Variants in RIMS1 observed in about 807,000 individuals in gnomAD.
RIMS1 encodes the protein regulating synaptic membrane exocytosis 1.
In RIMS1, 83 loss-of-function variants were observed where a neutral mutation model predicts 214.1. That is an observed-to-expected ratio of 0.39 (90% CI 0.32 to 0.47). RIMS1 has a LOEUF of 0.47. RIMS1 is among the 20% of genes least tolerant of loss of function. The probability of loss-of-function intolerance (pLI) is 0.99; values close to 1 mark genes in which losing one functional copy is unlikely to be tolerated. For synonymous variants in RIMS1, 793 were observed against 786.8 expected (o/e 1.01, Z -0.13); for missense variants, 2,050 against 2,161.8 (o/e 0.95, Z 1.03).
chr6:72,066,893 A>G (rs1829433098), intron 2 of RIMS1, among the ~76,000 whole-genome samples: 1 of 152,056 alleles, frequency 6.6e-6, no homozygotes, highest in Non-Finnish European at 1.5e-5. Context: ...TCACCCTTAA[A>G]ACTTCTCTTT....
chr6:71,966,067 A>G (rs1794361237), intron 1 of RIMS1, among the ~76,000 whole-genome samples: 1 of 152,230 alleles, frequency 6.6e-6, no homozygotes, highest in Non-Finnish European at 1.5e-5. Flanking sequence ...CTTCCAAACT[A>G]TGATCCAATT....
Position 71,971,653 on chromosome 6 carries a change from G to A in RIMS1, c.245+2590G>A, listed in dbSNP as rs192566898. ...TTTATTGGACTTACAGTTCCACATG[G>A]CTGGGGAGGTCTCACAATCATGCTG... On this transcript the variant is annotated intron_variant, in intron 2 of 33. Coordinates refer to ENST00000521978, the MANE Select transcript of RIMS1 (RefSeq NM_014989.7). Among the ~76,000 whole-genome samples, 15 of 152,270 alleles carry A rather than the reference G, an allele frequency of 9.9e-5. No individual in the cohort carries two copies. The East Asian group carries it at 2.9e-3, about 29-fold the overall frequency.
At chr6:71,944,904 C>CT (rs1421337734) in intron 1 of RIMS1, among the ~76,000 whole-genome samples, 1 of 152,112 alleles carries the variant, frequency 6.6e-6, no homozygotes, top group Non-Finnish European at 1.5e-5. Flanking sequence ...GCGTTGTTAT[C>CT]TTAAAGGTAG....
Position 71,886,843 on chromosome 6 carries a change from G to A in RIMS1, c.-181G>A, listed in dbSNP as rs886061704. On this transcript the variant is annotated 5_prime_UTR_variant, in exon 1 of 34. Coordinates refer to ENST00000521978, the MANE Select transcript of RIMS1 (RefSeq NM_014989.7). ...TGGGTGGATGCAAACAACCATGAAA[G>A]ACTGGGTTCTCGCTCTCCCCGGCTC... The A allele has an allele frequency of 2.1e-4, 136 of 658,278 alleles. 1 individual carries two copies. Among genetic ancestry groups the A allele is most frequent in the Non-Finnish European group, 3.3e-4 (126 of 383,944 alleles). The allele number at this position is 658,278 out of a possible 1,614,324, so 40.8% of individuals were successfully genotyped here. A position where few individuals can be genotyped will look rare whatever the true frequency, so the allele number is the denominator to read the frequency against.
chr6:72,191,872 G>GGT (rs949587126), intron 6 of RIMS1, among the ~76,000 whole-genome samples: 7 of 152,150 alleles, frequency 4.6e-5, no homozygotes, highest in Non-Finnish European at 1.0e-4. Context: ...ACGGGGATGT[G>GGT]GTGGGCATCA....
chr6:72,002,519 T>C (rs1159271161), intron 2 of RIMS1, among the ~76,000 whole-genome samples: 1 of 151,734 alleles, frequency 6.6e-6, no homozygotes, highest in East Asian at 1.9e-4. Context: ...GGGGTAGGAG[T>C]GTGCAGACGC....
At position 72,159,891 on chromosome 6, in the gene RIMS1, G is replaced by A. The variant is rs375782820; in HGVS notation, c.472-19684G>A. On this transcript the variant is annotated intron_variant, in intron 4 of 33. Transcript: ENST00000521978. ...AATGCGGGCTCTTTTTTGGTTCCAT[G>A]TGAACTTTAAAGTGGTTTTTTCCAA... Among the ~76,000 whole-genome samples the A allele has an allele frequency of 4.3e-5, 6 of 139,546 alleles. 1 individual carries two copies. The highest frequency in any genetic ancestry group is 1.5e-4 in the African/African-American group (6 of 40,464). The allele number at this position is 139,546 out of a possible 152,430, so 91.5% of individuals were successfully genotyped here. A position where few individuals can be genotyped will look rare whatever the true frequency, so the allele number is the denominator to read the frequency against.
At chr6:72,122,092 C>G (rs188891605) in intron 4 of RIMS1, among the ~76,000 whole-genome samples, 1 of 151,888 alleles carries the variant, frequency 6.6e-6, no homozygotes, top group Admixed American at 6.6e-5. Context: ...AGATGTTCAT[C>G]AGGGATATTT....
At position 72,276,557 on chromosome 6, in the gene RIMS1, A is replaced by G. The variant is rs201581264; in HGVS notation, c.3482+2125A>G. ...CTTTTAGATAAGATTATTAAAATAAATTATTATTAAATACATAATTTTGAA... is the reference window on the plus strand; with the variant it reads ...CTTTTAGATAAGATTATTAAAATAAGTTATTATTAAATACATAATTTTGAA... On this transcript the variant is annotated intron_variant, in intron 23 of 33. Coordinates refer to ENST00000521978, the MANE Select transcript of RIMS1 (RefSeq NM_014989.7). Among the ~76,000 whole-genome samples, 20 of 152,090 alleles carry G rather than the reference A, an allele frequency of 1.3e-4. No homozygotes were observed. The East Asian group carries it at 3.7e-3, about 28-fold the overall frequency.
chr6:71,920,087 G>C (rs1340035103), intron 1 of RIMS1, among the ~76,000 whole-genome samples: 1 of 152,172 alleles, frequency 6.6e-6, no homozygotes, highest in Non-Finnish European at 1.5e-5. Flanking sequence ...GATTCAAAGA[G>C]TGCAACTCAT....
intron 19 of RIMS1, 125 bp from the exon 20 acceptor site, chr6:72,264,850 G>T (rs1254156427): frequency 5.2e-6 from 3 of 575,136 alleles, no homozygotes; most frequent in Non-Finnish European, 5.9e-6. Context: ...TGGTTCTTTT[G>T]AGAAAAAAAT....
chr6:72,121,296 G>A (rs758489840), intron 4 of RIMS1, among the ~76,000 whole-genome samples: 7 of 151,756 alleles, frequency 4.6e-5, no homozygotes, highest in Admixed American at 4.6e-4. Flanking sequence ...ATGGAATGTT[G>A]TTCCATTTGT....
Position 72,355,671 on chromosome 6 carries a change from C to T in RIMS1, c.4366+21836C>T, listed in dbSNP as rs1249700925. Among the ~76,000 whole-genome samples the T allele has an allele frequency of 2.6e-5, 4 of 152,120 alleles. No individual in the cohort carries two copies. In the East Asian group the frequency reaches 5.8e-4, roughly 22 times the overall value. ...TCGAGATGTTGGATATTTCCACCTC[C>T]TATTCTGCATGATATTTTAATAAAC... is the stretch of plus-strand genomic sequence containing the variant. On this transcript the variant is annotated intron_variant, in intron 29 of 33. Coordinates refer to ENST00000521978, the MANE Select transcript of RIMS1 (RefSeq NM_014989.7).
At chr6:71,913,827 C>A (rs916895163) in intron 1 of RIMS1, among the ~76,000 whole-genome samples, 1 of 152,048 alleles carries the variant, frequency 6.6e-6, no homozygotes, top group African/African-American at 2.4e-5. Context: ...CACCCCTGGG[C>A]AAATGGGGCT....
chr6:72,003,489 C>T (rs559428307), intron 2 of RIMS1, among the ~76,000 whole-genome samples: 1 of 150,534 alleles, frequency 6.6e-6, no homozygotes, highest in African/African-American at 2.4e-5. Flanking sequence ...CTATTCCTTT[C>T]TATTTTCTCT....
Position 72,145,563 on chromosome 6 carries a change from G to C in RIMS1, c.472-34012G>C, listed in dbSNP as rs368295343. On this transcript the variant is annotated intron_variant, in intron 4 of 33. Coordinates refer to ENST00000521978, the MANE Select transcript of RIMS1 (RefSeq NM_014989.7). ...GGAGGCAGAGGTTGCAGTGAGCCCA[G>C]ATCATGCCACTGCACCCCAGCCTGG... 1.1e-3 allele frequency among the ~76,000 whole-genome samples: 169 copies of C among 152,170 alleles called. 1 individual carries two copies. Among genetic ancestry groups the C allele is most frequent in the African/African-American group, 4.0e-3 (165 of 41,506 alleles).
chr6:72,166,645 G>C (rs1349023575), intron 4 of RIMS1, among the ~76,000 whole-genome samples: 1 of 152,068 alleles, frequency 6.6e-6, no homozygotes, highest in African/African-American at 2.4e-5. Flanking sequence ...GGAGTCCAAG[G>C]TGGGAGGATC....
At chr6:72,297,141 G>T (rs888562168) in intron 26 of RIMS1, among the ~76,000 whole-genome samples, 4 of 151,542 alleles carry the variant, frequency 2.6e-5, no homozygotes, top group African/African-American at 4.8e-5. Flanking sequence ...GATATATTAG[G>T]CAATACATAT....
Position 72,185,112 on chromosome 6 carries a change from C to T in RIMS1, c.1678+1963C>T, listed in dbSNP as rs537944058. ...GCTACCCAGAACCCCATGAGTTCAA[C>T]ACGAAAGGTGTTGAAGTGGTCTACT... On this transcript the variant is annotated intron_variant, in intron 6 of 33. Transcript: ENST00000521978. 2.0e-4 allele frequency among the ~76,000 whole-genome samples: 31 copies of T among 152,218 alleles called. No individual in the cohort carries two copies. The South Asian group carries it at 3.7e-3, about 18-fold the overall frequency.
Sources: gnomAD v4.1 joint callset for allele counts (sites outside exome capture counted in the v4.1 genomes callset) on GRCh38, gnomAD v4.1.1 for gene constraint, MANE v1.5 for transcripts, NCBI Gene and HGNC (gene_info 2026-07-23, HGNC 2026-07-21) for gene names.